DIAPH2: variants seen among roughly 807,000 people sequenced by gnomAD.
DIAPH2 encodes the protein protein diaphanous homolog 2.
Under a neutral mutation model 92.7 loss-of-function variants are expected in DIAPH2, and 35 were observed. The observed-to-expected ratio is 0.38, with a 90% confidence interval of 0.29 to 0.50. The LOEUF is 0.50. Ranked by LOEUF, DIAPH2 falls within the 20% of genes least tolerant of loss-of-function variation. DIAPH2 has a pLI of 0.94. For missense variants in DIAPH2, 701 were observed against 819.5 expected (o/e 0.86, Z 1.77); for synonymous variants, 301 against 280.4 (o/e 1.07, Z -0.73).
chrX:96,969,376 C>G (rs2065913395), intron 17 of DIAPH2, among the ~76,000 whole-genome samples: 1 of 110,643 alleles, frequency 9.0e-6, no homozygotes, highest in Admixed American at 9.6e-5. Context: ...AGATGTTCTT[C>G]CATTTGTTTG....
chrX:96,711,595 A>G (rs1262159216), intron 1 of DIAPH2, among the ~76,000 whole-genome samples: 1 of 111,477 alleles, frequency 9.0e-6, no homozygotes, highest in Non-Finnish European at 1.9e-5. Context: ...CATGGGAGGA[A>G]AATTAACAAC....
chrX:97,407,187 A>T (rs2069818616), intron 25 of DIAPH2, among the ~76,000 whole-genome samples: 1 of 111,888 alleles, frequency 8.9e-6, no homozygotes, highest in African/African-American at 3.2e-5. Flanking sequence ...TCCATGCCGA[A>T]AGTATAATGT....
At chrX:97,370,250 C>T (rs2069433299) in intron 24 of DIAPH2, among the ~76,000 whole-genome samples, 1 of 111,487 alleles carries the variant, frequency 9.0e-6, no homozygotes, top group Non-Finnish European at 1.9e-5. Flanking sequence ...TCTCATCACC[C>T]AAAGGACAGA....
At chrX:96,901,225 C>G (rs1356076294) in intron 5 of DIAPH2, among the ~76,000 whole-genome samples, 1 of 110,221 alleles carries the variant, frequency 9.1e-6, no homozygotes, top group Non-Finnish European at 1.9e-5. Flanking sequence ...TCCATTTCCT[C>G]TAGATTTTCT....
chrX:97,185,474 CATATATATATATATATATATATAT>C (rs1180330581), intron 22 of DIAPH2, among the ~76,000 whole-genome samples: 7 of 10,504 alleles, frequency 6.7e-4, no homozygotes, highest in East Asian at 5.2e-3. Flanking sequence ...TATATATACA[CATATATATATATATATATATATAT>C]ATATATATAT....
chrX:96,764,140 G>A (rs1370619632), intron 4 of DIAPH2, among the ~76,000 whole-genome samples: 1 of 111,193 alleles, frequency 9.0e-6, no homozygotes, highest in Non-Finnish European at 1.9e-5. Flanking sequence ...GATATGTGTT[G>A]AAATAATCAA....
intron 24 of DIAPH2, among the ~76,000 whole-genome samples, chrX:97,374,993 A>G (rs2069485390): frequency 8.9e-6 from 1 of 111,814 alleles, no homozygotes; most frequent in Non-Finnish European, 1.9e-5. Flanking sequence ...GTACAACTAT[A>G]TGAGTCCTGA....
At chrX:97,469,821 T>A in intron 26 of DIAPH2, 3 of 1,165,165 alleles carry the variant, frequency 2.6e-6, no homozygotes, top group South Asian at 4.1e-5. Flanking sequence ...AGTAAAAGTT[T>A]CTAGTGGAAA....
chrX:97,266,836 A>C (rs1021623386), intron 23 of DIAPH2, among the ~76,000 whole-genome samples: 1 of 112,166 alleles, frequency 8.9e-6, no homozygotes, highest in African/African-American at 3.2e-5. Flanking sequence ...CCTTTAGAGA[A>C]AAATTACTGC....
At chrX:96,956,181 G>A (rs775107935) in intron 15 of DIAPH2, among the ~76,000 whole-genome samples, 6 of 112,965 alleles carry the variant, frequency 5.3e-5, no homozygotes, top group African/African-American at 9.6e-5. Flanking sequence ...GCTCAACACC[G>A]CTTGGAAGTT....
intron 25 of DIAPH2, among the ~76,000 whole-genome samples, chrX:97,428,002 C>G (rs1476944376): frequency 7.2e-5 from 8 of 110,899 alleles, no homozygotes; most frequent in Non-Finnish European, 5.7e-5. Flanking sequence ...ATGAATGTTA[C>G]AACTACACAA....
intron 26 of DIAPH2, among the ~76,000 whole-genome samples, chrX:97,486,162 G>A (rs894181815): frequency 9.0e-6 from 1 of 111,234 alleles, no homozygotes; most frequent in Non-Finnish European, 1.9e-5. Flanking sequence ...AATATTGATG[G>A]AAATGGCAAT....
rs1387175956 is a variant in DIAPH2, at chrX:97,599,381, C to CAA, written c.*66_*67dup. The CAA allele has an allele frequency of 1.2e-5, 10 of 807,007 alleles. No homozygotes were observed. The highest frequency in any genetic ancestry group is 7.1e-6 in the Non-Finnish European group (4 of 559,574). The allele number at this position is 807,007 out of a possible 1,213,427, so 66.5% of individuals were successfully genotyped here. A position where few individuals can be genotyped will look rare whatever the true frequency, so the allele number is the denominator to read the frequency against. On this transcript the variant is annotated 3_prime_UTR_variant, in exon 27 of 27. Coordinates refer to ENST00000324765, the MANE Select transcript of DIAPH2 (RefSeq NM_006729.5). The stretch of plus-strand genomic sequence containing the variant: ...ACAAAATGATGCATTTTGAGAAGAA[C>CAA]AAAGTGTGCACTCAGCGGCTGGAAA...
intron 1 of DIAPH2, among the ~76,000 whole-genome samples, chrX:96,723,511 A>AC (rs1338453044): frequency 8.9e-6 from 1 of 112,023 alleles, no homozygotes; most frequent in Non-Finnish European, 1.9e-5. Context: ...TTCTACAGAA[A>AC]CTGTTTCAAA....
chrX:97,139,743 GAATA>G (rs1206044144), intron 21 of DIAPH2, among the ~76,000 whole-genome samples: 1 of 110,824 alleles, frequency 9.0e-6, no homozygotes, highest in Admixed American at 9.6e-5. Context: ...ACCAGATACT[GAATA>G]AATATTTATT....
chrX:97,181,563 C>T (rs1306982617), intron 22 of DIAPH2, among the ~76,000 whole-genome samples: 3 of 111,880 alleles, frequency 2.7e-5, no homozygotes, highest in Non-Finnish European at 3.8e-5. Flanking sequence ...AGGCATGCGC[C>T]ACCACCCCAG....
At chrX:97,047,328 C>T (rs999734821) in intron 17 of DIAPH2, among the ~76,000 whole-genome samples, 4 of 109,845 alleles carry the variant, frequency 3.6e-5, no homozygotes, top group Non-Finnish European at 7.6e-5. Context: ...TTATCTAGTT[C>T]AGATAGTACA....
chrX:96,703,168 T>A (rs1283201779), intron 1 of DIAPH2, among the ~76,000 whole-genome samples: 1 of 111,801 alleles, frequency 8.9e-6, no homozygotes, highest in African/African-American at 3.3e-5. Flanking sequence ...CTTGATTACA[T>A]AAGCATTCAG....
At chrX:97,573,349 T>G (rs73554346) in intron 26 of DIAPH2, among the ~76,000 whole-genome samples, 2 of 111,335 alleles carry the variant, frequency 1.8e-5, no homozygotes, top group East Asian at 2.8e-4. Flanking sequence ...ATATATATAT[T>G]TTTTGTGATG....
Sources: gnomAD v4.1 joint callset for allele counts (sites outside exome capture counted in the v4.1 genomes callset) on GRCh38, gnomAD v4.1.1 for gene constraint, MANE v1.5 for transcripts, NCBI Gene and HGNC (gene_info 2026-07-23, HGNC 2026-07-21) for gene names.